The following TOX3 variants were observed in gnomAD, a reference collection of about 807,000 sequenced individuals.
The protein encoded by TOX3 is TOX high mobility group box family member 3.
In TOX3, 22 loss-of-function variants were observed where a neutral mutation model predicts 64.3. The observed-to-expected ratio is 0.34, with a 90% CI of 0.24 to 0.49. The LOEUF (loss-of-function observed/expected upper bound fraction) is 0.49, where lower values mean the gene tolerates loss of function less well. Among genes scored for constraint, TOX3 ranks in the 20% least tolerant of loss-of-function variants. The pLI is 0.99. For synonymous variants in TOX3, 291 were observed against 273.6 expected (o/e 1.06, Z -0.63); for missense variants, 661 against 714.4 (o/e 0.93, Z 0.85).
chr16:52,442,993 C>T (rs1486622302), intron 6 of TOX3, among the ~76,000 whole-genome samples: 1 of 152,132 alleles, frequency 6.6e-6, no homozygotes, highest in Non-Finnish European at 1.5e-5. Flanking sequence ...TTAATATTCC[C>T]TGAATGCCTT....
chr16:52,486,272 A>T (rs1337283379), intron 1 of TOX3, among the ~76,000 whole-genome samples: 1 of 152,148 alleles, frequency 6.6e-6, no homozygotes, highest in Non-Finnish European at 1.5e-5. Flanking sequence ...AAGGGCAGCA[A>T]GGGATGTGGA....
intron 1 of TOX3, among the ~76,000 whole-genome samples, chr16:52,512,459 A>C (rs778632091): frequency 3.9e-5 from 6 of 152,226 alleles, no homozygotes; most frequent in Non-Finnish European, 7.3e-5. Flanking sequence ...GTTGCTGCTC[A>C]ATACATCCAT....
At chr16:52,544,439 T>A (rs1963133259) in intron 1 of TOX3, among the ~76,000 whole-genome samples, 1 of 152,234 alleles carries the variant, frequency 6.6e-6, no homozygotes, top group Admixed American at 6.5e-5. Context: ...TAGTTATATT[T>A]TTACTTGCAA....
chr16:52,506,868 T>C (rs934162953), intron 1 of TOX3, among the ~76,000 whole-genome samples: 11 of 152,190 alleles, frequency 7.2e-5, no homozygotes, highest in African/African-American at 2.7e-4. Context: ...CTAGTATTTA[T>C]TATGTAGTAT....
At chr16:52,524,616 G>A (rs1453456068) in intron 1 of TOX3, among the ~76,000 whole-genome samples, 1 of 152,114 alleles carries the variant, frequency 6.6e-6, no homozygotes, top group African/African-American at 2.4e-5. Context: ...ACTCACTCTT[G>A]TTACAAGAAC....
chr16:52,437,688 C>A lies in TOX3; in HGVS notation c.*1537G>T, dbSNP rs78436643. Reference sequence around the variant, plus strand: ...ATTTTGGCTTAAGAATTAGCATTCACCATCTATTTTAATCGCAATAACATT... The same window carrying A: ...ATTTTGGCTTAAGAATTAGCATTCAACATCTATTTTAATCGCAATAACATT... On this transcript the variant is annotated 3_prime_UTR_variant, in exon 7 of 7. Coordinates refer to ENST00000219746, the MANE Select transcript of TOX3 (RefSeq NM_001080430.4). 7.7e-4 allele frequency among the ~76,000 whole-genome samples: 116 copies of A among 151,520 alleles called. 1 individual carries two copies. The East Asian group carries it at 0.021, about 27-fold the overall frequency.
chr16:52,519,546 C>A, intron 1 of TOX3: 1 of 1,524,890 alleles, frequency 6.6e-7, no homozygotes, highest in Non-Finnish European at 8.8e-7. Flanking sequence ...CTGTCCTCTG[C>A]TGGATGGGGT....
At chr16:52,533,263 C>G (rs542112735) in intron 1 of TOX3, among the ~76,000 whole-genome samples, 11 of 152,306 alleles carry the variant, frequency 7.2e-5, no homozygotes, top group African/African-American at 2.6e-4. Context: ...TAGCAATGCC[C>G]ACTCTCAGGC....
intron 1 of TOX3, among the ~76,000 whole-genome samples, chr16:52,514,980 C>G (rs978121078): frequency 3.2e-5 from 4 of 126,614 alleles, no homozygotes; most frequent in African/African-American, 1.3e-4. Flanking sequence ...CCACTGCACT[C>G]CATCCTGGAC....
intron 1 of TOX3, among the ~76,000 whole-genome samples, chr16:52,470,911 A>C (rs1961023436): frequency 6.6e-6 from 1 of 152,212 alleles, no homozygotes; most frequent in Non-Finnish European, 1.5e-5. Context: ...ACAGTTATAA[A>C]TCACTTCAAA....
intron 1 of TOX3, among the ~76,000 whole-genome samples, chr16:52,484,331 A>G (rs766440051): frequency 5.9e-5 from 9 of 152,318 alleles, no homozygotes; most frequent in Admixed American, 6.5e-5. Flanking sequence ...ACAGAAAAAC[A>G]TGATTCAAAA....
intron 1 of TOX3, among the ~76,000 whole-genome samples, chr16:52,488,646 A>T (rs1961592637): frequency 6.6e-6 from 1 of 152,176 alleles, no homozygotes; most frequent in Non-Finnish European, 1.5e-5. Flanking sequence ...AAAAGACTCA[A>T]ATCTTGGCAT....
chr16:52,457,100 T>C (rs1310419072), intron 3 of TOX3, among the ~76,000 whole-genome samples: 1 of 152,162 alleles, frequency 6.6e-6, no homozygotes, highest in Non-Finnish European at 1.5e-5. Flanking sequence ...ATGAGAAAAC[T>C]CTACATATTT....
intron 1 of TOX3, among the ~76,000 whole-genome samples, chr16:52,540,032 A>T (rs1963041496): frequency 6.6e-6 from 1 of 152,000 alleles, no homozygotes; most frequent in Non-Finnish European, 1.5e-5. Context: ...TCTACTCAAA[A>T]GGTCAGATCA....
intron 2 of TOX3, among the ~76,000 whole-genome samples, chr16:52,468,031 C>T (rs755730268): frequency 6.6e-6 from 1 of 152,182 alleles, no homozygotes; most frequent in African/African-American, 2.4e-5. Context: ...ACTCATTTCA[C>T]ATCACCCCAA....
At chr16:52,473,694 A>G (rs937892449) in intron 1 of TOX3, among the ~76,000 whole-genome samples, 1 of 152,222 alleles carries the variant, frequency 6.6e-6, no homozygotes, top group Non-Finnish European at 1.5e-5. Flanking sequence ...GCGGATGATG[A>G]TGAATACTGA....
chr16:52,539,270 A>G (rs1183677401), intron 1 of TOX3, among the ~76,000 whole-genome samples: 1 of 152,252 alleles, frequency 6.6e-6, no homozygotes, highest in Non-Finnish European at 1.5e-5. Flanking sequence ...AGGATGTTTC[A>G]TCATGCATAC....
At chr16:52,442,802 A>C (rs1960040345) in intron 6 of TOX3, among the ~76,000 whole-genome samples, 1 of 152,074 alleles carries the variant, frequency 6.6e-6, no homozygotes, top group Admixed American at 6.5e-5. Flanking sequence ...AAACAAACAA[A>C]CCAAACCCTA....
chr16:52,513,754 C>G (rs1214443213), intron 1 of TOX3, among the ~76,000 whole-genome samples: 1 of 152,148 alleles, frequency 6.6e-6, no homozygotes, highest in Non-Finnish European at 1.5e-5. Flanking sequence ...GGGATGTTCA[C>G]TGCTTATTTG....
Sources: gnomAD v4.1 joint callset for allele counts (sites outside exome capture counted in the v4.1 genomes callset) on GRCh38, gnomAD v4.1.1 for gene constraint, MANE v1.5 for transcripts, NCBI Gene and HGNC (gene_info 2026-07-23, HGNC 2026-07-21) for gene names.